PALLD: variants seen among roughly 807,000 people sequenced by gnomAD.
PALLD encodes the protein palladin.
Under a neutral mutation model 123.5 loss-of-function variants are expected in PALLD, and 61 were observed. The observed-to-expected ratio is 0.49, with a 90% CI of 0.40 to 0.61. The LOEUF is 0.61. Ranked by LOEUF, PALLD falls within the 20% of genes least tolerant of loss-of-function variation. PALLD has a pLI of 0.00. For missense variants in PALLD, 1,273 were observed against 1,377.0 expected, an observed-to-expected ratio of 0.92 and a Z score of 1.20; for synonymous variants, 465 against 496.4, an observed-to-expected ratio of 0.94 and a Z score of 0.84.
intron 6 of PALLD, 105 bp downstream of exon 6, chr4:168,685,664 G>T: frequency 2.5e-6 from 2 of 804,206 alleles, no homozygotes; most frequent in Middle Eastern, 2.2e-4. Flanking sequence ...GAACAGATTA[G>T]TAGGCTGATT....
rs183777496 is a variant in PALLD, at chr4:168,693,437, C to T, written c.1501+2145C>T. 8.5e-4 allele frequency among the ~76,000 whole-genome samples: 130 copies of T among 152,304 alleles called. 1 individual carries two copies. The highest frequency in any genetic ancestry group is 3.4e-3 in the Middle Eastern group (1 of 292). On this transcript the variant is annotated intron_variant, in intron 8 of 21. Coordinates refer to ENST00000505667, the MANE Select transcript of PALLD (RefSeq NM_001166108.2). The stretch of plus-strand genomic sequence containing the variant: ...TGACCTCTAGAACGTACTTAAATGC[C>T]ATTTGCTTTAATGTAGCAAAATCAT...
At chr4:168,537,922 A>G (rs1322414228) in intron 2 of PALLD, 1 of 152,242 alleles carries the variant, frequency 6.6e-6, no homozygotes, top group Admixed American at 6.5e-5. Flanking sequence ...CTATGGCCAC[A>G]TTCATGTTTA....
At chr4:168,653,926 T>A (rs953250589) in intron 2 of PALLD, among the ~76,000 whole-genome samples, 2 of 152,042 alleles carry the variant, frequency 1.3e-5, no homozygotes, top group African/African-American at 4.8e-5. Flanking sequence ...GGTCTCGATC[T>A]CCTGACCTCA....
intron 10 of PALLD, among the ~76,000 whole-genome samples, chr4:168,746,409 A>G (rs1317369456): frequency 1.4e-5 from 2 of 147,634 alleles, no homozygotes; most frequent in Admixed American, 1.4e-4. Flanking sequence ...AAAAAAAAAA[A>G]AGAGGAGGGA....
intron 3 of PALLD, among the ~76,000 whole-genome samples, chr4:168,670,776 AAAAAAAAAAAAAC>A (rs1780173377): frequency 2.0e-5 from 1 of 49,100 alleles, no homozygotes; most frequent in African/African-American, 1.4e-4. Context: ...AAAAAAAAAC[AAAAAAAAAAAAAC>A]AAAAAAAACA....
chr4:168,532,078 G>T (rs569585227), intron 2 of PALLD, among the ~76,000 whole-genome samples: 1 of 152,192 alleles, frequency 6.6e-6, no homozygotes, highest in South Asian at 2.1e-4. Flanking sequence ...CTGATCCTCT[G>T]CTTCCTCCCA....
intron 17 of PALLD, among the ~76,000 whole-genome samples, chr4:168,919,046 T>A (rs1760853796): frequency 6.6e-6 from 1 of 152,112 alleles, no homozygotes; most frequent in South Asian, 2.1e-4. Flanking sequence ...AAATGATGGG[T>A]ATATACACAC....
intron 15 of PALLD, among the ~76,000 whole-genome samples, chr4:168,907,007 C>G (rs1757953313): frequency 6.6e-6 from 1 of 152,208 alleles, no homozygotes; most frequent in Non-Finnish European, 1.5e-5. Context: ...TGAGCATGAA[C>G]TTTGGCATCA....
chr4:168,926,947 TAAATG>T lies in PALLD; in HGVS notation c.*768_*772del, dbSNP rs1762648905. 4.6e-6 allele frequency: 1 copy of T among 219,306 alleles called. No individual in the cohort carries two copies. Among genetic ancestry groups the T allele is most frequent in the African/African-American group, 2.2e-5 (1 of 44,528 alleles). 13.6% of individuals were successfully genotyped at this position (219,306 alleles called of 1,614,324 possible). A position where few individuals can be genotyped will look rare whatever the true frequency, so the allele number is the denominator to read the frequency against. ...ATCATAAGGAAGGAACTACTTGCCTTAAATGTTAATATCAAAAGAGTTTTCTAACA... is the reference window on the plus strand; with the variant it reads ...ATCATAAGGAAGGAACTACTTGCCTTTTAATATCAAAAGAGTTTTCTAACA... On this transcript the variant is annotated 3_prime_UTR_variant, in exon 22 of 22. Transcript: ENST00000505667.
chr4:168,585,770 C>T lies in PALLD; in HGVS notation c.908+73358C>T, dbSNP rs532198235. Among the ~76,000 whole-genome samples the T allele has an allele frequency of 2.0e-5, 3 of 152,280 alleles. No homozygotes were observed. In the South Asian group the frequency reaches 6.2e-4, roughly 32 times the overall value. On this transcript the variant is annotated intron_variant, in intron 2 of 21. Transcript: ENST00000505667. Reference sequence around the variant, plus strand: ...GCCCAGGGTGGAACCAAGCAGCCCACGCCTGCTCTTAGGAGCCAAGTTTCC... The same window carrying T: ...GCCCAGGGTGGAACCAAGCAGCCCATGCCTGCTCTTAGGAGCCAAGTTTCC...
At chr4:168,913,025 T>C (rs1759318339) in intron 15 of PALLD, among the ~76,000 whole-genome samples, 1 of 152,214 alleles carries the variant, frequency 6.6e-6, no homozygotes, top group South Asian at 2.1e-4. Context: ...CATGAGAACA[T>C]GGCTTCATTT....
intron 17 of PALLD, among the ~76,000 whole-genome samples, chr4:168,918,263 A>G (rs1440818094): frequency 6.6e-6 from 1 of 151,772 alleles, no homozygotes; most frequent in African/African-American, 2.4e-5. Flanking sequence ...AGCACTATTC[A>G]TAATAGCCAG....
At chr4:168,755,030 A>G (rs1161452758) in intron 10 of PALLD, among the ~76,000 whole-genome samples, 2 of 152,164 alleles carry the variant, frequency 1.3e-5, no homozygotes, top group Non-Finnish European at 2.9e-5. Flanking sequence ...CAGGAGATCG[A>G]GACCATCCTG....
chr4:168,704,678 A>T (rs1360951568), intron 8 of PALLD, among the ~76,000 whole-genome samples: 1 of 151,324 alleles, frequency 6.6e-6, no homozygotes, highest in East Asian at 1.9e-4. Context: ...AAAAAAAAAA[A>T]AAAAAAAATG....
chr4:168,874,210 C>T (rs761753188), intron 10 of PALLD, among the ~76,000 whole-genome samples: 1 of 152,192 alleles, frequency 6.6e-6, no homozygotes, highest in Non-Finnish European at 1.5e-5. Context: ...CAAGCCAGTT[C>T]GATCTAACTG....
In PALLD at chr4:168,675,218, C is replaced by G. The variant is rs1018162301; in HGVS notation, c.1088-6114C>G. ...TGGGATGAAGGAAGCTGGATTAAAC[C>G]GGACCTTGTGGATAAAGAGGATTGG... On this transcript the variant is annotated intron_variant, in intron 3 of 21. Coordinates refer to ENST00000505667, the MANE Select transcript of PALLD (RefSeq NM_001166108.2). 4.6e-5 allele frequency among the ~76,000 whole-genome samples: 7 copies of G among 152,268 alleles called. No homozygotes were observed. The East Asian group carries it at 1.3e-3, about 29-fold the overall frequency.
intron 2 of PALLD, among the ~76,000 whole-genome samples, chr4:168,650,047 G>A (rs939227261): frequency 1.3e-5 from 2 of 152,122 alleles, no homozygotes; most frequent in Admixed American, 1.3e-4. Flanking sequence ...GGTGGTGGAT[G>A]CTTGTAATCC....
intron 2 of PALLD, among the ~76,000 whole-genome samples, chr4:168,584,522 C>T (rs1770618187): frequency 6.6e-6 from 1 of 152,148 alleles, no homozygotes; most frequent in South Asian, 2.1e-4. Flanking sequence ...TATGTGTTAA[C>T]AATCTTAATT....
chr4:168,704,388 T>C (rs1425569644), intron 8 of PALLD, among the ~76,000 whole-genome samples: 8 of 152,176 alleles, frequency 5.3e-5, no homozygotes, highest in Admixed American at 5.2e-4. Flanking sequence ...AATTTGTATG[T>C]TGACTGGACG....
Sources: gnomAD v4.1 joint callset for allele counts (sites outside exome capture counted in the v4.1 genomes callset) on GRCh38, gnomAD v4.1.1 for gene constraint, MANE v1.5 for transcripts, NCBI Gene and HGNC (gene_info 2026-07-23, HGNC 2026-07-21) for gene names.